Variants in TASP1 observed in about 807,000 individuals in gnomAD.
TASP1 encodes taspase 1, also known as threonine aspartase 1.
TASP1 carries 16 observed loss-of-function variants against 56.6 expected under a neutral mutation model. That is an observed-to-expected ratio of 0.28 (90% CI 0.19 to 0.43). The LOEUF (loss-of-function observed/expected upper bound fraction) is 0.43, where lower values mean the gene tolerates loss of function less well. TASP1 is among the 20% of genes least tolerant of loss of function. The pLI is 1.00. For synonymous variants in TASP1, 179 were observed against 184.2 expected (o/e 0.97, Z 0.23); for missense variants, 393 against 511.6 (o/e 0.77, Z 2.24).
chr20:13,192,437 G>T, the TASP1 span, among the ~76,000 whole-genome samples: 1 of 152,114 alleles, frequency 6.6e-6, no homozygotes. Context: ...CTACTCAGGA[G>T]GCTGAGGTGG....
chr20:13,488,474 T>A (rs2043406704), intron 10 of TASP1, among the ~76,000 whole-genome samples: 1 of 152,160 alleles, frequency 6.6e-6, no homozygotes, highest in South Asian at 2.1e-4. Flanking sequence ...TCAGTTAAAC[T>A]ACCATTCTAC....
chr20:13,270,923 T>C, the TASP1 span, among the ~76,000 whole-genome samples: 1 of 152,196 alleles, frequency 6.6e-6, no homozygotes, highest in African/African-American at 2.4e-5. Context: ...ACACCCTTGA[T>C]TGTGAGATGC....
chr20:13,417,326 T>A, intron 13 of TASP1, 122 bp downstream of exon 13: 1 of 850,350 alleles, frequency 1.2e-6, no homozygotes, highest in Non-Finnish European at 1.9e-6. Flanking sequence ...CGGATGCTTA[T>A]GAAGACCACA....
chr20:13,471,968 C>G (rs533122181), intron 11 of TASP1, among the ~76,000 whole-genome samples: 1 of 152,252 alleles, frequency 6.6e-6, no homozygotes, highest in South Asian at 2.1e-4. Flanking sequence ...CAATGACTTT[C>G]TTCACAGATT....
At chr20:13,292,577 G>A in the TASP1 span, 1 of 689,798 alleles carries the variant, frequency 1.4e-6, no homozygotes, top group Admixed American at 2.4e-5. Flanking sequence ...CTTTTCTGGG[G>A]TCCAGTGCTC....
chr20:13,376,005 T>A, the TASP1 span, among the ~76,000 whole-genome samples: 1 of 152,090 alleles, frequency 6.6e-6, no homozygotes, highest in Non-Finnish European at 1.5e-5. Context: ...ATTGAAAAAA[T>A]TTTCTCCCAT....
chr20:13,471,893 G>T (rs146683301), intron 11 of TASP1, among the ~76,000 whole-genome samples: 104 of 152,214 alleles, frequency 6.8e-4, no homozygotes, highest in African/African-American at 2.5e-3. Context: ...GAAGCGCAAG[G>T]GGTCAGAGGA....
the TASP1 span, chr20:13,126,474 T>C: frequency 1.6e-6 from 2 of 1,233,658 alleles, no homozygotes; most frequent in Non-Finnish European, 2.2e-6. Context: ...CATTCATCTT[T>C]TGAGCATGAG....
the TASP1 span, among the ~76,000 whole-genome samples, chr20:13,212,817 G>C: frequency 6.6e-6 from 1 of 152,120 alleles, no homozygotes; most frequent in Non-Finnish European, 1.5e-5. Flanking sequence ...CCTCTACAAA[G>C]CTATTTCTCA....
chr20:13,438,949 C>T (rs1023693609), intron 11 of TASP1, among the ~76,000 whole-genome samples: 1 of 152,170 alleles, frequency 6.6e-6, no homozygotes, highest in African/African-American at 2.4e-5. Context: ...ATCAAAACCA[C>T]AATGAGACAC....
Position 13,390,424 on chromosome 20 carries a change from G to A in TASP1, c.1199C>T (p.Ala400Val), listed in dbSNP as rs1252637385. The change falls in exon 14 of 14, where the codon GCG (alanine) becomes GTG (valine). Residue 400 changes from alanine to valine, a missense_variant. By Grantham distance (64) the Ala-to-Val change is moderately conservative (BLOSUM62 0). Coordinates refer to ENST00000337743, the MANE Select transcript of TASP1 (RefSeq NM_017714.3). ...KTHISRLPPG[A>V]VAGQSVAIEG... ...GATTGCCACAGACTGTCCTGCCACC[G>A]CACCAGGAGGAAGTCTTGAAATGTG... 25 of 1,613,656 alleles carry A rather than the reference G, an allele frequency of 1.5e-5. No homozygotes were observed. The highest frequency in any genetic ancestry group is 2.7e-5 in the African/African-American group (2 of 74,876).
intron 7 of TASP1, among the ~76,000 whole-genome samples, chr20:13,559,676 T>C (rs554067647): frequency 2.0e-5 from 3 of 152,308 alleles, no homozygotes; most frequent in South Asian, 2.1e-4. Context: ...GGCATTTAGA[T>C]AGACCTCGAG....
chr20:13,278,663 A>G, the TASP1 span, among the ~76,000 whole-genome samples: 2 of 152,186 alleles, frequency 1.3e-5, no homozygotes, highest in East Asian at 3.8e-4. Context: ...TTATCTGGCA[A>G]TCATCTCAAA....
the TASP1 span, among the ~76,000 whole-genome samples, chr20:13,192,654 C>A: frequency 6.6e-6 from 1 of 152,120 alleles, no homozygotes. Context: ...TCACCTCACC[C>A]TCCCACATAG....
intron 1 of TASP1, among the ~76,000 whole-genome samples, chr20:13,633,431 A>T (rs560842503): frequency 7.2e-5 from 11 of 152,302 alleles, no homozygotes; most frequent in Admixed American, 3.3e-4. Flanking sequence ...TTATAAAAAA[A>T]TTTTTATTAA....
intron 10 of TASP1, among the ~76,000 whole-genome samples, chr20:13,489,054 T>A (rs1029729181): frequency 2.6e-5 from 4 of 152,078 alleles, no homozygotes; most frequent in African/African-American, 9.7e-5. Flanking sequence ...CTCAGTGACT[T>A]AAAATATAAT....
chr20:13,353,305 G>A, the TASP1 span, among the ~76,000 whole-genome samples: 4 of 149,662 alleles, frequency 2.7e-5, no homozygotes, highest in African/African-American at 9.8e-5. Context: ...CCAAACATTT[G>A]AGTATCTCCC....
the TASP1 span, chr20:13,299,130 G>C: frequency 6.2e-7 from 1 of 1,613,228 alleles, no homozygotes; most frequent in Non-Finnish European, 8.5e-7. The surrounding 1 kb of genome is among the most constrained non-coding windows in gnomAD (Gnocchi z 5.8). Flanking sequence ...CGGGCCCAAG[G>C]AGAAGCTGGA....
the TASP1 span, among the ~76,000 whole-genome samples, chr20:13,367,315 T>TATA: frequency 4.9e-4 from 74 of 152,346 alleles, no homozygotes; most frequent in Admixed American, 1.6e-3. Flanking sequence ...ATAAACAAAA[T>TATA]GTATTAGTCT....
Sources: allele counts gnomAD v4.1 joint callset (sites outside exome capture counted in the v4.1 genomes callset), GRCh38; gene constraint gnomAD v4.1.1; non-coding constraint Gnocchi (gnomAD v3.1); transcripts MANE v1.5; gene names NCBI Gene and HGNC (gene_info 2026-07-23, HGNC 2026-07-21).